CCSER1: variants seen among roughly 807,000 people sequenced by gnomAD.
CCSER1 encodes serine-rich coiled-coil domain-containing protein 1.
CCSER1 carries 41 observed loss-of-function variants against 82.0 expected under a neutral mutation model. That is an observed-to-expected ratio of 0.50 (90% CI 0.39 to 0.65). The LOEUF (loss-of-function observed/expected upper bound fraction) is 0.65, where lower values mean the gene tolerates loss of function less well. CCSER1 is among the 30% of genes least tolerant of loss of function. The pLI, the probability that CCSER1 is intolerant of heterozygous loss-of-function variation, is 0.00. For synonymous variants in CCSER1, 414 were observed against 383.9 expected (o/e 1.08, Z -0.92); for missense variants, 1,119 against 1,064.2 (o/e 1.05, Z -0.72).
At chr4:90,478,801 C>T (rs887033746) in intron 5 of CCSER1, among the ~76,000 whole-genome samples, 23 of 148,066 alleles carry the variant, frequency 1.6e-4, no homozygotes, top group Middle Eastern at 7.1e-3. Flanking sequence ...AGTTCAGTGG[C>T]GCAATCTCGG....
intron 10 of CCSER1, among the ~76,000 whole-genome samples, chr4:91,425,723 G>C (rs1158530451): frequency 2.0e-5 from 3 of 152,150 alleles, no homozygotes; most frequent in Non-Finnish European, 4.4e-5. Flanking sequence ...TCCATAGACT[G>C]GTAGAGAGGG....
intron 1 of CCSER1, among the ~76,000 whole-genome samples, chr4:90,223,286 A>C (rs1248680133): frequency 6.6e-6 from 1 of 152,200 alleles, no homozygotes; most frequent in Admixed American, 6.5e-5. Flanking sequence ...TTTTTGTCAA[A>C]AGACTGTAAG....
At chr4:91,052,109 G>A (rs1581429998) in intron 9 of CCSER1, among the ~76,000 whole-genome samples, 1 of 151,746 alleles carries the variant, frequency 6.6e-6, no homozygotes, top group East Asian at 1.9e-4. Flanking sequence ...CTAGTTTTTT[G>A]TGGGAAAAAA....
chr4:91,502,644 T>C (rs1759272416), intron 10 of CCSER1, among the ~76,000 whole-genome samples: 1 of 152,218 alleles, frequency 6.6e-6, no homozygotes, highest in South Asian at 2.1e-4. Context: ...CATTAAGCCA[T>C]CCTTAATTAT....
chr4:91,295,913 C>T (rs1744124387), intron 10 of CCSER1, among the ~76,000 whole-genome samples: 1 of 151,690 alleles, frequency 6.6e-6, no homozygotes, highest in Non-Finnish European at 1.5e-5. Flanking sequence ...GAAAAAAATA[C>T]AAATTAAAAC....
chr4:90,449,641 TAG>T (rs1158692552), intron 4 of CCSER1, among the ~76,000 whole-genome samples: 1 of 152,200 alleles, frequency 6.6e-6, no homozygotes, highest in Non-Finnish European at 1.5e-5. Context: ...AGCAGGGAGC[TAG>T]CATATCAGCA....
intron 5 of CCSER1, among the ~76,000 whole-genome samples, chr4:90,545,359 A>T (rs549292135): frequency 2.6e-5 from 4 of 152,222 alleles, no homozygotes; most frequent in African/African-American, 9.6e-5. Flanking sequence ...ATTTATTTCA[A>T]TTTTTTCCCT....
intron 10 of CCSER1, among the ~76,000 whole-genome samples, chr4:91,376,616 T>C (rs558195105): frequency 6.6e-6 from 1 of 152,256 alleles, no homozygotes; most frequent in African/African-American, 2.4e-5. Context: ...ACCAGAGTTA[T>C]GCAAATTAAA....
chr4:90,157,702 T>C (rs901677371), intron 1 of CCSER1, among the ~76,000 whole-genome samples: 11 of 144,560 alleles, frequency 7.6e-5, no homozygotes, highest in Non-Finnish European at 1.6e-4. Flanking sequence ...ACGTAGTTCT[T>C]GAGCCTTGGC....
intron 10 of CCSER1, among the ~76,000 whole-genome samples, chr4:91,184,985 T>C (rs1734388970): frequency 6.6e-6 from 1 of 152,180 alleles, no homozygotes; most frequent in East Asian, 1.9e-4. Flanking sequence ...AAATATAACT[T>C]CTTTGATATA....
intron 8 of CCSER1, among the ~76,000 whole-genome samples, chr4:90,910,137 G>T (rs908915226): frequency 6.6e-6 from 1 of 152,034 alleles, no homozygotes; most frequent in African/African-American, 2.4e-5. Flanking sequence ...AAGTGGGAAG[G>T]GCCATCCTTT....
intron 1 of CCSER1, among the ~76,000 whole-genome samples, chr4:90,302,153 T>A (rs1180620971): frequency 3.3e-5 from 5 of 152,242 alleles, no homozygotes; most frequent in Non-Finnish European, 2.9e-5. Flanking sequence ...CTTCATTTTT[T>A]AAAATCTATG....
chr4:90,248,621 A>G (rs1326962247), intron 1 of CCSER1, among the ~76,000 whole-genome samples: 2 of 152,074 alleles, frequency 1.3e-5, no homozygotes, highest in Non-Finnish European at 2.9e-5. Context: ...TACATCTTGT[A>G]TTCTACCAAG....
chr4:90,326,746 G>C (rs528375427), intron 3 of CCSER1, among the ~76,000 whole-genome samples: 1 of 152,216 alleles, frequency 6.6e-6, no homozygotes, highest in South Asian at 2.1e-4. Context: ...GGTGCAGTAG[G>C]GGGTGGTCTG....
intron 3 of CCSER1, among the ~76,000 whole-genome samples, chr4:90,352,391 C>T (rs1428254287): frequency 6.6e-5 from 10 of 151,988 alleles, no homozygotes; most frequent in Non-Finnish European, 8.8e-5. Flanking sequence ...TGGCCAGGCG[C>T]GGTGACTGAC....
intron 5 of CCSER1, among the ~76,000 whole-genome samples, chr4:90,471,236 A>AG (rs1205860621): frequency 1.3e-5 from 2 of 152,022 alleles, no homozygotes; most frequent in Non-Finnish European, 2.9e-5. Context: ...GTGGTTAGGA[A>AG]TCCAGGCATT....
chr4:90,874,342 A>G (rs1766929024), intron 8 of CCSER1, among the ~76,000 whole-genome samples: 1 of 152,168 alleles, frequency 6.6e-6, no homozygotes. Context: ...GTGGCCATGT[A>G]GCAAACCTCT....
At chr4:91,381,663 T>C (rs565358745) in intron 10 of CCSER1, among the ~76,000 whole-genome samples, 1 of 152,258 alleles carries the variant, frequency 6.6e-6, no homozygotes, top group East Asian at 1.9e-4. Context: ...TTTTCAAGGT[T>C]TTTAGCTTCT....
intron 3 of CCSER1, chr4:90,325,482 G>A (rs1268291187): frequency 5.3e-6 from 1 of 186,940 alleles, no homozygotes; most frequent in Non-Finnish European, 1.2e-5. Context: ...AATTGGATCA[G>A]TTAAGTTTAT....
Sources: gnomAD v4.1 joint callset for allele counts (sites outside exome capture counted in the v4.1 genomes callset) on GRCh38, gnomAD v4.1.1 for gene constraint, MANE v1.5 for transcripts, NCBI Gene and HGNC (gene_info 2026-07-23, HGNC 2026-07-21) for gene names.